The following FANCD2OS variants were observed in gnomAD, a reference collection of about 807,000 sequenced individuals.
FANCD2OS encodes the protein FANCD2 opposite strand, also known as FANCD2 opposite strand protein.
A neutral mutation model predicts 13.2 loss-of-function variants in FANCD2OS; 11 were observed. The ratio of observed to expected loss-of-function variants is 0.83; its 90% confidence interval spans 0.52 to 1.38. FANCD2OS has a LOEUF of 1.38. Ranked by LOEUF, FANCD2OS falls within the 40% of genes most tolerant of loss-of-function variation. The probability of loss-of-function intolerance (pLI) is 0.00; values close to 1 mark genes in which losing one functional copy is unlikely to be tolerated. For synonymous variants in FANCD2OS, 69 were observed against 84.5 expected (o/e 0.82, Z 1.01); for missense variants, 217 against 213.9 (o/e 1.01, Z -0.09).
intron 2 of FANCD2OS, among the ~76,000 whole-genome samples, chr3:10,082,305 A>G (rs1693891403): frequency 6.6e-6 from 1 of 152,112 alleles, no homozygotes; most frequent in South Asian, 2.1e-4. Flanking sequence ...CTAGATAGCC[A>G]TCTGTCCCTG....
Position 10,085,541 on chromosome 3 carries a change from G to A in FANCD2OS, c.*44-4010C>T, listed in dbSNP as rs55989944. 3.2e-3 allele frequency among the ~76,000 whole-genome samples: 488 copies of A among 151,888 alleles called. 9 individuals carry two copies. In the South Asian group the frequency reaches 0.038, roughly 12 times the overall value. On this transcript the variant is annotated intron_variant, in intron 2 of 2. Coordinates refer to the FANCD2OS transcript ENST00000524279. ...GGAGTAGCTGGGACTACAGGTGCCCGCCACCACACCCAGCTAATTTTTGTA... is the reference window on the plus strand; with the variant it reads ...GGAGTAGCTGGGACTACAGGTGCCCACCACCACACCCAGCTAATTTTTGTA...
chr3:10,096,327 T>G (rs774017874), intron 2 of FANCD2OS: 2 of 1,614,062 alleles, frequency 1.2e-6, no homozygotes, highest in Admixed American at 3.3e-5. Context: ...TCCATTCAGA[T>G]TCACCAGGAC....
rs1695398032 is a variant in FANCD2OS, at chr3:10,104,005, C to G, written c.*236G>C. 1 of 523,804 alleles carries G rather than the reference C, an allele frequency of 1.9e-6. No individual in the cohort carries two copies. 32.4% of individuals were successfully genotyped at this position (523,804 alleles called of 1,614,324 possible). A position where few individuals can be genotyped will look rare whatever the true frequency, so the allele number is the denominator to read the frequency against. On this transcript the variant is annotated 3_prime_UTR_variant, in exon 2 of 2. Coordinates refer to ENST00000450660, the MANE Select transcript of FANCD2OS (RefSeq NM_001164839.2). ...CGGTTATCACATGGACATGTCAATG[C>G]TAGTTTGACTCTAAATGGTTCAACC...
At chr3:10,087,675 TC>T (rs1343642360) in intron 2 of FANCD2OS, among the ~76,000 whole-genome samples, 1 of 151,634 alleles carries the variant, frequency 6.6e-6, no homozygotes, top group Non-Finnish European at 1.5e-5. Context: ...TGAGACAGAG[TC>T]TCGTTCTGTC....
downstream of FANCD2OS, chr3:10,101,345 C>G (rs1695287654): frequency 2.1e-6 from 2 of 931,154 alleles, no homozygotes; most frequent in East Asian, 2.6e-5. Flanking sequence ...CGCTGTTTGC[C>G]TTTCTTACTG....
intron 2 of FANCD2OS, among the ~76,000 whole-genome samples, chr3:10,085,394 CT>C (rs1242296810): frequency 9.8e-4 from 134 of 136,880 alleles, no homozygotes; most frequent in Admixed American, 1.4e-3. Flanking sequence ...TTTTTTCTTT[CT>C]TTTTTTTTTT....
intron 2 of FANCD2OS, chr3:10,090,141 C>A: frequency 1.5e-6 from 1 of 654,504 alleles, no homozygotes; most frequent in Non-Finnish European, 2.8e-6. Context: ...ATTACTGAGT[C>A]CTTTCCGCTC....
chr3:10,093,190 C>A, intron 2 of FANCD2OS: 1 of 877,426 alleles, frequency 1.1e-6, no homozygotes, highest in Non-Finnish European at 2.0e-6. Flanking sequence ...GAATTCTCTG[C>A]AGCACCCAAA....
In FANCD2OS at chr3:10,092,259, A is replaced by G. The variant is rs1205723997; in HGVS notation, c.*44-10728T>C. 10 of 1,603,708 alleles carry G rather than the reference A, an allele frequency of 6.2e-6. No individual in the cohort carries two copies. The highest frequency in any genetic ancestry group is 8.5e-6 in the Non-Finnish European group (10 of 1,170,704). ...CCTCATCAACTTGATAAAGGTGAGT[A>G]TGGAGACTGCTTGACACATCTCACC... On this transcript the variant is annotated intron_variant, in intron 2 of 2. Coordinates refer to the FANCD2OS transcript ENST00000524279.
chr3:10,092,420 T>C (rs1405779351), intron 2 of FANCD2OS, among the ~76,000 whole-genome samples: 10 of 147,138 alleles, frequency 6.8e-5, no homozygotes, highest in Non-Finnish European at 1.2e-4. Context: ...TAACCCCTTT[T>C]CTCACTAGGC....
chr3:10,092,040 A>T (rs943552546), intron 2 of FANCD2OS: 2 of 776,444 alleles, frequency 2.6e-6, no homozygotes, highest in African/African-American at 3.4e-5. Flanking sequence ...CATCTTGTGG[A>T]TGCACTGGTT....
rs755821273 is a variant in FANCD2OS at position 10,092,166 on chromosome 3, A to G, written c.*44-10635T>C. 1.0e-5 allele frequency: 16 copies of G among 1,606,262 alleles called. No individual in the cohort carries two copies. In the East Asian group the frequency reaches 3.6e-4, roughly 36 times the overall value. On this transcript the variant is annotated intron_variant, in intron 2 of 2. Transcript: ENST00000524279. The stretch of plus-strand genomic sequence containing the variant: ...GGCTGTGACTCAGAGGTGCCCATAT[A>G]TTTGGCTGCCCCAGATTCATGAAGA...
In FANCD2OS at chr3:10,092,076, A is replaced by C. The variant is rs1694644988; in HGVS notation, c.*44-10545T>G. The C allele has an allele frequency of 4.5e-6, 4 of 881,224 alleles. No individual in the cohort carries two copies. In the Admixed American group the frequency reaches 5.1e-5, roughly 11 times the overall value. 54.6% of individuals were successfully genotyped at this position (881,224 alleles called of 1,614,324 possible). A position where few individuals can be genotyped will look rare whatever the true frequency, so the allele number is the denominator to read the frequency against. On this transcript the variant is annotated intron_variant, in intron 2 of 2. Transcript: ENST00000524279. ...GCTACATCTAAGGATAATTGGCTTAAATATCTGTATAGCTATGTAATTCAA... is the reference window on the plus strand; with the variant it reads ...GCTACATCTAAGGATAATTGGCTTACATATCTGTATAGCTATGTAATTCAA...
downstream of FANCD2OS, among the ~76,000 whole-genome samples, chr3:10,100,280 A>C (rs1695223532): frequency 6.6e-6 from 1 of 152,210 alleles, no homozygotes; most frequent in South Asian, 2.1e-4. Context: ...ATATCCTATT[A>C]GTTTGGTACT....
chr3:10,090,776 A>T (rs113633744), intron 2 of FANCD2OS, among the ~76,000 whole-genome samples: 3 of 151,978 alleles, frequency 2.0e-5, no homozygotes, highest in African/African-American at 7.3e-5. Flanking sequence ...TGATTCTTCT[A>T]TGTCTTGGGT....
At chr3:10,089,547 G>A (rs1004355907) in intron 2 of FANCD2OS, among the ~76,000 whole-genome samples, 8 of 151,642 alleles carry the variant, frequency 5.3e-5, no homozygotes, top group African/African-American at 1.9e-4. Flanking sequence ...TCAGCTCACT[G>A]CAACCTCCAC....
At chr3:10,095,328 T>C (rs1223323604) in intron 2 of FANCD2OS, 8 of 1,411,194 alleles carry the variant, frequency 5.7e-6, no homozygotes, top group Non-Finnish European at 8.0e-6. Flanking sequence ...TAATCTGCAG[T>C]TGCTATTGGG....
At chr3:10,092,672 CCT>C (rs1178741993) in intron 2 of FANCD2OS, among the ~76,000 whole-genome samples, 1 of 150,030 alleles carries the variant, frequency 6.7e-6, no homozygotes, top group African/African-American at 2.5e-5. Flanking sequence ...TGTCTCTCCA[CCT>C]CTTTCATGTC....
chr3:10,090,927 C>T lies in FANCD2OS; in HGVS notation c.*44-9396G>A, dbSNP rs557890477. Among the ~76,000 whole-genome samples, 544 of 151,940 alleles carry T rather than the reference C, an allele frequency of 3.6e-3. 4 individuals carry two copies. The highest frequency in any genetic ancestry group is 0.014 in the Middle Eastern group (4 of 294). On this transcript the variant is annotated intron_variant, in intron 2 of 2. Transcript: ENST00000524279. ...GAATGGGCTCTCTTTTCCTTGGCTA[C>T]TGCCCAGTTTGCCTCCTGCTAACTG... is the stretch of plus-strand genomic sequence containing the variant.
Sources: allele counts gnomAD v4.1 joint callset (sites outside exome capture counted in the v4.1 genomes callset), GRCh38; gene constraint gnomAD v4.1.1; transcripts MANE v1.5; gene names NCBI Gene and HGNC (gene_info 2026-07-23, HGNC 2026-07-21).